The following THSD7B variants were observed in gnomAD, a reference collection of about 807,000 sequenced individuals.
THSD7B encodes the protein thrombospondin type-1 domain-containing protein 7B.
A neutral mutation model predicts 213.6 loss-of-function variants in THSD7B; 138 were observed. The observed-to-expected ratio is 0.65, with a 90% CI of 0.56 to 0.74. THSD7B has a LOEUF of 0.74. THSD7B is among the 30% of genes least tolerant of loss of function. The probability of loss-of-function intolerance (pLI) is 0.00; values close to 1 mark genes in which losing one functional copy is unlikely to be tolerated. For missense variants in THSD7B, 1,931 were observed against 1,991.5 expected, an observed-to-expected ratio of 0.97 and a Z score of 0.58; for synonymous variants, 742 against 687.0, an observed-to-expected ratio of 1.08 and a Z score of -1.25.
intron 7 of THSD7B, among the ~76,000 whole-genome samples, chr2:137,188,501 C>A (rs983581426): frequency 6.6e-6 from 1 of 152,138 alleles, no homozygotes; most frequent in South Asian, 2.1e-4. Context: ...TAAAAGTGTA[C>A]AAGACTGCAT....
intron 15 of THSD7B, among the ~76,000 whole-genome samples, chr2:137,508,573 T>C (rs1679890960): frequency 6.7e-6 from 1 of 149,734 alleles, no homozygotes; most frequent in African/African-American, 2.5e-5. Context: ...ATTTTTTTAG[T>C]GGAGACGGGG....
intron 12 of THSD7B, among the ~76,000 whole-genome samples, chr2:137,367,619 G>A (rs1331518619): frequency 6.6e-6 from 1 of 152,004 alleles, no homozygotes; most frequent in Non-Finnish European, 1.5e-5. Context: ...GCTTCAGAGG[G>A]CATAACAAAA....
chr2:137,359,764 C>T (rs996324800), intron 12 of THSD7B, among the ~76,000 whole-genome samples: 1 of 152,118 alleles, frequency 6.6e-6, no homozygotes, highest in Admixed American at 6.6e-5. Context: ...GTATGTGATA[C>T]CTCTTTTGTT....
intron 2 of THSD7B, among the ~76,000 whole-genome samples, chr2:136,955,862 C>T (rs1183507685): frequency 6.6e-6 from 1 of 151,870 alleles, no homozygotes; most frequent in Non-Finnish European, 1.5e-5. Flanking sequence ...ACCATCTTAG[C>T]TGGATGGTCT....
chr2:136,900,067 T>A (rs1033073512), intron 2 of THSD7B, among the ~76,000 whole-genome samples: 2 of 151,964 alleles, frequency 1.3e-5, no homozygotes, highest in African/African-American at 4.8e-5. Context: ...GCAGTGAGAG[T>A]GATAAAGAGA....
chr2:136,857,137 G>A (rs754040549), intron 1 of THSD7B, among the ~76,000 whole-genome samples: 5 of 152,124 alleles, frequency 3.3e-5, no homozygotes, highest in Non-Finnish European at 7.4e-5. Flanking sequence ...TGCTATATAA[G>A]CATTAAATTA....
rs527661959 is a variant in THSD7B at position 137,173,012 on chromosome 2, AATTT to A, written c.1723+2080_1723+2083del. 1.4e-4 allele frequency among the ~76,000 whole-genome samples: 21 copies of A among 152,250 alleles called. No individual in the cohort carries two copies. The South Asian group carries it at 4.4e-3, about 32-fold the overall frequency. ...ACTCACCTGCTAGGTTGTCTCAGGA[AATTT>A]ATTTAACTAGGAAGCATCCTTTCTT... On this transcript the variant is annotated intron_variant, in intron 7 of 27. Transcript: ENST00000409968.
intron 12 of THSD7B, among the ~76,000 whole-genome samples, chr2:137,305,170 A>G (rs1353610319): frequency 6.6e-6 from 1 of 152,184 alleles, no homozygotes; most frequent in Admixed American, 6.5e-5. Flanking sequence ...GATAGAGTGT[A>G]GAATGCTGGC....
At chr2:137,537,217 A>T (rs1308303394) in intron 15 of THSD7B, among the ~76,000 whole-genome samples, 1 of 151,786 alleles carries the variant, frequency 6.6e-6, no homozygotes, top group Non-Finnish European at 1.5e-5. Context: ...TGTGCAATAA[A>T]ATTATCATGT....
intron 5 of THSD7B, among the ~76,000 whole-genome samples, chr2:137,139,197 C>T (rs1679531991): frequency 1.3e-5 from 2 of 152,086 alleles, no homozygotes; most frequent in African/African-American, 4.8e-5. Flanking sequence ...TAATATGCAG[C>T]CTCTACTGTA....
At chr2:137,117,700 A>G (rs545308632) in intron 5 of THSD7B, among the ~76,000 whole-genome samples, 1 of 152,262 alleles carries the variant, frequency 6.6e-6, no homozygotes, top group African/African-American at 2.4e-5. Context: ...CTCTGATTCC[A>G]AGCACCTGAT....
chr2:137,283,180 A>G (rs1296482963), intron 12 of THSD7B, among the ~76,000 whole-genome samples: 1 of 152,104 alleles, frequency 6.6e-6, no homozygotes, highest in East Asian at 1.9e-4. Context: ...TGTGAATGGC[A>G]GTTCACTCAT....
intron 17 of THSD7B, among the ~76,000 whole-genome samples, chr2:137,573,402 G>T (rs1286425646): frequency 6.6e-6 from 1 of 152,032 alleles, no homozygotes; most frequent in Non-Finnish European, 1.5e-5. Flanking sequence ...AATATCGTAT[G>T]TTTAGAGCTT....
At position 137,538,906 on chromosome 2, in the gene THSD7B, G is replaced by A. The variant is rs886925631; in HGVS notation, c.3139-24315G>A. Among the ~76,000 whole-genome samples the A allele has an allele frequency of 2.6e-5, 4 of 151,698 alleles. No individual in the cohort carries two copies. In the East Asian group the frequency reaches 5.9e-4, roughly 22 times the overall value. ...ATGGTTAATATAGCTCCAAACAGCC[G>A]AGAATTTTATACATAGCTTCCTAGC... is the stretch of plus-strand genomic sequence containing the variant. On this transcript the variant is annotated intron_variant, in intron 15 of 27. Transcript: ENST00000409968.
intron 20 of THSD7B, among the ~76,000 whole-genome samples, chr2:137,625,551 G>C (rs528792948): frequency 6.6e-6 from 1 of 152,276 alleles, no homozygotes; most frequent in East Asian, 1.9e-4. Context: ...AGCAGGACAG[G>C]CATGAAATGT....
intron 5 of THSD7B, among the ~76,000 whole-genome samples, chr2:137,129,492 T>G (rs985360627): frequency 8.6e-5 from 13 of 151,912 alleles, no homozygotes; most frequent in Admixed American, 3.9e-4. Context: ...CAGGCTGGAG[T>G]GTGGTGGCGC....
At chr2:137,283,034 A>G (rs1683069371) in intron 12 of THSD7B, among the ~76,000 whole-genome samples, 1 of 152,212 alleles carries the variant, frequency 6.6e-6, no homozygotes, top group South Asian at 2.1e-4. Context: ...CTTCCTACCC[A>G]TGAGCATGGA....
At chr2:137,004,846 T>C (rs908055661) in intron 2 of THSD7B, among the ~76,000 whole-genome samples, 8 of 152,218 alleles carry the variant, frequency 5.3e-5, no homozygotes, top group African/African-American at 1.9e-4. Flanking sequence ...TCACTGAGTT[T>C]TTACTGTAAA....
intron 1 of THSD7B, among the ~76,000 whole-genome samples, chr2:136,856,266 T>G (rs539019942): frequency 6.6e-6 from 1 of 152,012 alleles, no homozygotes; most frequent in African/African-American, 2.4e-5. Context: ...ATTTAGAGAG[T>G]TGGGAGGATG....
Sources: allele counts gnomAD v4.1 joint callset (sites outside exome capture counted in the v4.1 genomes callset), GRCh38; gene constraint gnomAD v4.1.1; transcripts MANE v1.5; gene names NCBI Gene and HGNC (gene_info 2026-07-23, HGNC 2026-07-21).